Variants in TEX264 observed in about 807,000 individuals in gnomAD.
TEX264 encodes testis expressed 264, ER-phagy receptor.
TEX264 carries 13 observed loss-of-function variants against 23.4 expected under a neutral mutation model. That is an observed-to-expected ratio of 0.56 (90% CI 0.36 to 0.88). The LOEUF is 0.88. Among genes scored for constraint, TEX264 ranks in the 40% least tolerant of loss-of-function variants. The pLI is 0.01. For missense variants in TEX264, 340 were observed against 406.8 expected, an observed-to-expected ratio of 0.84 and a Z score of 1.41; for synonymous variants, 159 against 170.0, an observed-to-expected ratio of 0.94 and a Z score of 0.50.
chr3:51,703,737 G>T lies in TEX264; in HGVS notation c.663G>T (p.Met221Ile). The change falls in exon 5 of 5, where the codon ATG becomes ATT. Residue 221 changes from methionine to isoleucine, a missense_variant. Coordinates refer to ENST00000341333, the MANE Select transcript of TEX264 (RefSeq NM_015926.6). This position sits in a 1 kb window ranked among gnomAD's most constrained non-coding sequence, Gnocchi z 4.8. ...TQVDGTGADT[M>I]SDTSSVSLEV... ...TCCTGGTCATAGGAGCTGACACAATGAGTGACACGAGTTCTGTAAGCTTGG... is the reference window on the plus strand; with the variant it reads ...TCCTGGTCATAGGAGCTGACACAATTAGTGACACGAGTTCTGTAAGCTTGG... 6.3e-7 allele frequency: 1 copy of T among 1,589,438 alleles called. No homozygotes were observed. The highest frequency in any genetic ancestry group is 1.1e-5 in the South Asian group (1 of 89,400).
chr3:51,698,460 A>G lies in TEX264; in HGVS notation c.481-946A>G, dbSNP rs184356889. 4.5e-3 allele frequency among the ~76,000 whole-genome samples: 688 copies of G among 152,196 alleles called. 4 individuals carry two copies. Among genetic ancestry groups the G allele is most frequent in the African/African-American group, 0.016 (661 of 41,500 alleles). ...TGGGTATTTGTGCTCCTTCGCAGGA[A>G]AGGTGGCGGGGCAGGCTCTGAGTAA... On this transcript the variant is annotated intron_variant, in intron 3 of 4. Coordinates refer to ENST00000341333, the MANE Select transcript of TEX264 (RefSeq NM_015926.6).
At chr3:51,693,710 C>T (rs560590195) in intron 3 of TEX264, among the ~76,000 whole-genome samples, 11 of 152,014 alleles carry the variant, frequency 7.2e-5, no homozygotes, top group Non-Finnish European at 1.5e-4. Flanking sequence ...GAACTCCTGA[C>T]CCCAGGTGAT....
Position 51,674,391 on chromosome 3 carries a change from G to A in TEX264, c.87G>A (p.Gly29=), listed in dbSNP as rs370820545. 35 of 1,614,220 alleles carry A rather than the reference G, an allele frequency of 2.2e-5. No individual in the cohort carries two copies. Among genetic ancestry groups the A allele is most frequent in the Admixed American group, 5.0e-5 (3 of 60,026 alleles). ...TGCTGGCCTTTGCCGGGTACTCAGG[G>A]CTACTGGCTGGGGTGGAAGTGAGTG... ...LTLLAFAGYS[G]LLAGVEVSAG... The change falls in exon 2 of 5, where the codon GGG becomes GGA. Residue 29 remains glycine, a synonymous_variant. Coordinates refer to ENST00000341333, the MANE Select transcript of TEX264 (RefSeq NM_015926.6).
intron 3 of TEX264, among the ~76,000 whole-genome samples, chr3:51,687,130 C>A (rs1399106345): frequency 1.3e-5 from 2 of 152,186 alleles, no homozygotes; most frequent in Non-Finnish European, 2.9e-5. Flanking sequence ...GAGCAAGGGG[C>A]TTCTCCCAGA....
rs548042685 is a variant in TEX264, at chr3:51,703,714, C to A, written c.650-10C>A. The stretch of plus-strand genomic sequence containing the variant: ...CCTAGCTAACCTGTGCTCCCTTTTC[C>A]TGGTCATAGGAGCTGACACAATGAG... On this transcript the variant is annotated splice_polypyrimidine_tract_variant and intron_variant, in intron 4 of 4. Transcript: ENST00000341333. This position sits in a 1 kb window ranked among gnomAD's most constrained non-coding sequence, Gnocchi z 4.8. 10 of 1,570,514 alleles carry A rather than the reference C, an allele frequency of 6.4e-6. No homozygotes were observed. The East Asian group carries it at 2.3e-4, about 36-fold the overall frequency.
At position 51,704,167 on chromosome 3, in the gene TEX264, T is replaced by C; in HGVS notation, c.*151T>C. 1.5e-6 allele frequency: 1 copy of C among 676,080 alleles called. No homozygotes were observed. Among genetic ancestry groups the C allele is most frequent in the South Asian group, 6.6e-5 (1 of 15,254 alleles). The allele number at this position is 676,080 out of a possible 1,614,324, so 41.9% of individuals were successfully genotyped here. On this transcript the variant is annotated 3_prime_UTR_variant, in exon 5 of 5. Coordinates refer to ENST00000341333, the MANE Select transcript of TEX264 (RefSeq NM_015926.6). ...GCTCCAGGCCTCTTGCTAAGCCTTC[T>C]CCTCACTGCCCTTTAGGCTCCCAGG... is the stretch of plus-strand genomic sequence containing the variant.
chr3:51,696,683 A>G (rs1034861489), intron 3 of TEX264, among the ~76,000 whole-genome samples: 1 of 152,216 alleles, frequency 6.6e-6, no homozygotes, highest in African/African-American at 2.4e-5. Flanking sequence ...AGGAAGGGCC[A>G]GGGGGCAACT....
Position 51,686,302 on chromosome 3 carries a change from G to A in TEX264, c.480+1668G>A. Reference sequence around the variant, plus strand: ...GGCGTGGCCAGTGTGGCAGGGGTCAGGGAACAGGACGAGAGTCAGTGGGAG... The same window carrying A: ...GGCGTGGCCAGTGTGGCAGGGGTCAAGGAACAGGACGAGAGTCAGTGGGAG... On this transcript the variant is annotated intron_variant, in intron 3 of 4. Transcript: ENST00000341333. The surrounding 1 kb of genome is among the most constrained non-coding windows in gnomAD (Gnocchi z 4.1). 6.6e-6 allele frequency among the ~76,000 whole-genome samples: 1 copy of A among 152,202 alleles called. No individual in the cohort carries two copies. Among genetic ancestry groups the A allele is most frequent in the South Asian group, 2.1e-4 (1 of 4,828 alleles).
At chr3:51,701,962 A>G (rs1055382067) in intron 4 of TEX264, among the ~76,000 whole-genome samples, 13 of 152,144 alleles carry the variant, frequency 8.5e-5, no homozygotes, top group African/African-American at 3.1e-4. Context: ...TGAAGTGTAT[A>G]TATGTCTCCA....
chr3:51,684,165 T>C lies in TEX264; in HGVS notation c.259-248T>C. The stretch of plus-strand genomic sequence containing the variant: ...AAGTCTAACCCCTCACTATGATCCC[T>C]GGGTTTCCACAGGGCATGGCATGTT... On this transcript the variant is annotated intron_variant, in intron 2 of 4. Transcript: ENST00000341333. 3 of 532,912 alleles carry C rather than the reference T, an allele frequency of 5.6e-6. No homozygotes were observed. In the South Asian group the frequency reaches 6.6e-5, roughly 12 times the overall value. 33.0% of individuals were successfully genotyped at this position (532,912 alleles called of 1,614,324 possible).
chr3:51,703,857 C>A lies in TEX264; in HGVS notation c.783C>A (p.His261Gln), dbSNP rs919904083. Residue 261 changes from histidine (H) to glutamine (Q), a missense_variant, in exon 5 of 5, where the codon CAC becomes CAA. Transcript: ENST00000341333. This position sits in a 1 kb window ranked among gnomAD's most constrained non-coding sequence, Gnocchi z 4.8. ...GWDDGDTRSE[H>Q]SYSESGASGS... ...ATGACGGTGACACCCGCAGCGAGCA[C>A]AGCTACAGCGAGTCAGGTGCCAGCG... 5.0e-6 allele frequency: 8 copies of A among 1,612,702 alleles called. No homozygotes were observed. In the African/African-American group the frequency reaches 8.0e-5, roughly 16 times the overall value.
chr3:51,673,792 A>G (rs1702133078), intron 1 of TEX264, among the ~76,000 whole-genome samples: 1 of 152,054 alleles, frequency 6.6e-6, no homozygotes, highest in South Asian at 2.1e-4. Flanking sequence ...AAGTGTTTGG[A>G]CCCTAGCATT....
intron 3 of TEX264, among the ~76,000 whole-genome samples, chr3:51,693,462 C>T (rs1020890543): frequency 2.0e-5 from 3 of 150,952 alleles, no homozygotes; most frequent in African/African-American, 4.9e-5. Context: ...GCCATTATAT[C>T]TCGTTTCCAT....
intron 2 of TEX264, among the ~76,000 whole-genome samples, chr3:51,676,441 T>A (rs1399802003): frequency 6.6e-6 from 1 of 152,180 alleles, no homozygotes; most frequent in African/African-American, 2.4e-5. Context: ...TCCTGCAGCT[T>A]TCCCAGAGAT....
intron 3 of TEX264, among the ~76,000 whole-genome samples, chr3:51,694,055 C>CTT (rs1702944982): frequency 7.9e-6 from 1 of 127,186 alleles, no homozygotes; most frequent in Non-Finnish European, 1.7e-5. Flanking sequence ...TCCTCCCTTC[C>CTT]CTTCCCTTCC....
In TEX264 at chr3:51,691,925, C is replaced by T. The variant is rs1650588897; in HGVS notation, c.480+7291C>T. Among the ~76,000 whole-genome samples, 1 of 152,246 alleles carries T rather than the reference C, an allele frequency of 6.6e-6. No individual in the cohort carries two copies. The highest frequency in any genetic ancestry group is 1.5e-5 in the Non-Finnish European group (1 of 68,030). The stretch of plus-strand genomic sequence containing the variant: ...CCACGGCTTGGCTTCCCCGGCTCCC[C>T]TTAGGGAGCTACCCTTGGGTATTGA... On this transcript the variant is annotated intron_variant, in intron 3 of 4. Coordinates refer to ENST00000341333, the MANE Select transcript of TEX264 (RefSeq NM_015926.6). This position sits in a 1 kb window ranked among gnomAD's most constrained non-coding sequence, Gnocchi z 4.4.
intron 1 of TEX264, among the ~76,000 whole-genome samples, 163 bp from the exon 2 acceptor site, chr3:51,674,108 C>A (rs560438528): frequency 6.6e-6 from 1 of 152,334 alleles, no homozygotes; most frequent in South Asian, 2.1e-4. Context: ...CTTGTAGCTC[C>A]CTTCCAGGTC....
intron 4 of TEX264, among the ~76,000 whole-genome samples, chr3:51,700,317 G>T (rs112417188): frequency 3.9e-5 from 6 of 152,232 alleles, no homozygotes; most frequent in South Asian, 2.1e-4. Context: ...GTACAGGGCT[G>T]TGGGGAGAGG....
chr3:51,694,127 C>CCTTG, intron 3 of TEX264, among the ~76,000 whole-genome samples: 1 of 149,192 alleles, frequency 6.7e-6, no homozygotes, highest in Non-Finnish European at 1.5e-5. Flanking sequence ...TTCCTTCCTT[C>CCTTG]CTTCCTTCCT....
Sources: allele counts gnomAD v4.1 joint callset (sites outside exome capture counted in the v4.1 genomes callset), GRCh38; gene constraint gnomAD v4.1.1; non-coding constraint Gnocchi (gnomAD v3.1); transcripts MANE v1.5; gene names NCBI Gene and HGNC (gene_info 2026-07-23, HGNC 2026-07-21).